Variants in MEG3 observed in about 807,000 individuals in gnomAD.
MEG3 encodes the protein Very putative protein from MEG3 locus.
At chr14:100,856,874 C>T (rs8012953), upstream of MEG3, 48,751 of 151,948 alleles carry the variant, frequency 0.32, 8,096 homozygotes, top group Admixed American at 0.42. Flanking sequence ...TTCTGGGTGG[C>T]GTCCTTTTCC....
At chr14:100,836,578 C>T (rs778650434) in intron 2 of MEG3, among the ~76,000 whole-genome samples, 48 of 152,206 alleles carry the variant, frequency 3.2e-4, no homozygotes, top group Non-Finnish European at 5.6e-4. Flanking sequence ...CTCTAGACCC[C>T]CGAGAGCGGC....
intron 2 of MEG3, among the ~76,000 whole-genome samples, chr14:100,842,338 G>A (rs1043831861): frequency 3.9e-5 from 6 of 152,148 alleles, no homozygotes; most frequent in Non-Finnish European, 7.3e-5. Flanking sequence ...TGAAATTCCA[G>A]GAAGAGGCGT....
intron 2 of MEG3, among the ~76,000 whole-genome samples, chr14:100,841,535 T>A (rs1004238825): frequency 2.2e-4 from 34 of 152,134 alleles, no homozygotes; most frequent in African/African-American, 4.8e-5. Context: ...AAACCAGCGA[T>A]CCCAGAGGCC....
At chr14:100,841,638 CG>C (rs71113293) in intron 2 of MEG3, among the ~76,000 whole-genome samples, 8 of 151,646 alleles carry the variant, frequency 5.3e-5, no homozygotes, top group African/African-American at 7.3e-5. Context: ...CCTGTGTGGT[CG>C]GGGGGGGTCA....
At chr14:100,856,616 G>A (rs546712406), upstream of MEG3, 1 of 152,834 alleles carries the variant, frequency 6.5e-6, no homozygotes, top group African/African-American at 2.4e-5. Flanking sequence ...AGGCAGCTGA[G>A]TGGGAGAGCA....
At chr14:100,827,328 T>G in intron 1 of MEG3, 1 of 150,168 alleles carries the variant, frequency 6.7e-6, no homozygotes, top group Admixed American at 6.6e-5. Flanking sequence ...ACTGCGGAAT[T>G]TTGGGGGGCG....
intron 2 of MEG3, among the ~76,000 whole-genome samples, chr14:100,843,942 C>T (rs1451707334): frequency 1.3e-5 from 2 of 149,918 alleles, no homozygotes; most frequent in Admixed American, 6.7e-5. Context: ...CACGTTCAAG[C>T]GATTCTCCTG....
chr14:100,841,204 C>T (rs1306071802), intron 2 of MEG3, among the ~76,000 whole-genome samples: 4 of 152,160 alleles, frequency 2.6e-5, no homozygotes, highest in Non-Finnish European at 4.4e-5. Flanking sequence ...AGGAGGGGGG[C>T]ACAGGTCTCA....
exon 2 of MEG3, chr14:100,836,264 C>A (rs1463751981): frequency 2.2e-6 from 1 of 456,556 alleles, no homozygotes; most frequent in African/African-American, 2.0e-5. Context: ...CCCAAGTCTT[C>A]TTCCTGGCGG....
chr14:100,843,834 T>G (rs1341533831), intron 2 of MEG3, among the ~76,000 whole-genome samples: 1 of 15,572 alleles, frequency 6.4e-5, no homozygotes, highest in South Asian at 3.1e-3. Context: ...CCGGGACCTG[T>G]TTTTTTTTTT....
chr14:100,827,719 CG>C (rs2037281799), intron 1 of MEG3, among the ~76,000 whole-genome samples: 1 of 151,966 alleles, frequency 6.6e-6, no homozygotes, highest in Admixed American at 6.5e-5. Context: ...GGGGCGAAGG[CG>C]GGGAGCGGCG....
At chr14:100,840,262 A>C (rs2037711553) in intron 2 of MEG3, among the ~76,000 whole-genome samples, 1 of 152,152 alleles carries the variant, frequency 6.6e-6, no homozygotes, top group African/African-American at 2.4e-5. Flanking sequence ...AAGGCTGCCC[A>C]CCACCTTCGG....
upstream of MEG3, chr14:100,853,850 A>G (rs757284596): frequency 6.6e-5 from 10 of 152,222 alleles, no homozygotes; most frequent in Admixed American, 1.3e-4. Context: ...ACTACAGATC[A>G]GTTTCCCCTG....
chr14:100,829,978 T>C (rs547801215), downstream of MEG3: 6 of 152,326 alleles, frequency 3.9e-5, 1 homozygote, highest in African/African-American at 1.4e-4. Flanking sequence ...CTGAACTCTC[T>C]GTCCCATGGG....
chr14:100,836,833 G>GT (rs35447463), intron 2 of MEG3, among the ~76,000 whole-genome samples: 34,755 of 152,100 alleles, frequency 0.23, 4,235 homozygotes, highest in Admixed American at 0.28. Flanking sequence ...TCAAATAGTG[G>GT]TTTTTGAGCA....
upstream of MEG3, chr14:100,853,975 G>A (rs2038165710): frequency 6.6e-6 from 1 of 152,238 alleles, no homozygotes; most frequent in Admixed American, 6.5e-5. Flanking sequence ...GAAGAATGGA[G>A]GAAGGAGCGA....
At chr14:100,846,612 GATGA>G (rs1289775907) in intron 3 of MEG3, 2 of 152,240 alleles carry the variant, frequency 1.3e-5, no homozygotes, top group Non-Finnish European at 2.9e-5. Flanking sequence ...TAAATGACCA[GATGA>G]ATGAATGAGT....
intron 3 of MEG3, chr14:100,848,689 A>C (rs2037985895): frequency 6.6e-6 from 1 of 152,272 alleles, no homozygotes; most frequent in African/African-American, 2.4e-5. Context: ...CAAGCCATCC[A>C]CATTAATTCA....
chr14:100,832,664 G>C (rs565399593), downstream of MEG3: 1 of 152,756 alleles, frequency 6.5e-6, no homozygotes, highest in African/African-American at 2.4e-5. Flanking sequence ...CCGCCGGGCC[G>C]GGGCGATGTG....
Sources: allele counts gnomAD v4.1 joint callset (sites outside exome capture counted in the v4.1 genomes callset), GRCh38; gene constraint gnomAD v4.1.1; transcripts MANE v1.5; gene names NCBI Gene and HGNC (gene_info 2026-07-23, HGNC 2026-07-21).